Variants in LYRM4 observed in about 807,000 individuals in gnomAD.
LYRM4 encodes LYR motif-containing protein 4.
In LYRM4, 9 loss-of-function variants were observed where a neutral mutation model predicts 11.7. The observed-to-expected ratio is 0.77, with a 90% CI of 0.46 to 1.34. The LOEUF is 1.34. Ranked by LOEUF, LYRM4 falls within the 40% of genes most tolerant of loss-of-function variation. LYRM4 has a pLI of 0.00. For synonymous variants in LYRM4, 42 were observed against 40.4 expected, an observed-to-expected ratio of 1.04 and a Z score of -0.15; for missense variants, 133 against 112.5, an observed-to-expected ratio of 1.18 and a Z score of -0.82.
chr6:5,201,315 G>A (rs529183327), intron 2 of LYRM4, among the ~76,000 whole-genome samples: 5 of 152,168 alleles, frequency 3.3e-5, no homozygotes, highest in Admixed American at 1.3e-4. Flanking sequence ...GGCAGTGCAA[G>A]TGCACGGGCA....
At chr6:5,092,521 C>G in the LYRM4 span, among the ~76,000 whole-genome samples, 4 of 150,976 alleles carry the variant, frequency 2.6e-5, no homozygotes, top group African/African-American at 9.8e-5. Flanking sequence ...AACAGCTTGG[C>G]CAATATGGTG....
chr6:5,207,972 C>T (rs1047711917), intron 2 of LYRM4, among the ~76,000 whole-genome samples: 3 of 152,220 alleles, frequency 2.0e-5, no homozygotes, highest in African/African-American at 7.2e-5. Flanking sequence ...GATCCCTCTT[C>T]TGAGAGCTGG....
intron 2 of LYRM4, among the ~76,000 whole-genome samples, chr6:5,155,671 A>G (rs935717775): frequency 1.2e-4 from 19 of 152,324 alleles, no homozygotes; most frequent in African/African-American, 3.8e-4. Flanking sequence ...TGGTCCTGCC[A>G]TTATTCTGTT....
intron 2 of LYRM4, among the ~76,000 whole-genome samples, chr6:5,173,752 A>G (rs71555880): frequency 0.01 from 1,547 of 152,330 alleles, 32 homozygotes; most frequent in African/African-American, 0.034. Flanking sequence ...TCATGTTTAA[A>G]TATGTATGCA....
intron 1 of LYRM4, among the ~76,000 whole-genome samples, chr6:5,251,476 T>G (rs1468995329): frequency 6.6e-6 from 1 of 152,096 alleles, no homozygotes; most frequent in Non-Finnish European, 1.5e-5. Context: ...CTTACAATCA[T>G]GGCAGAAGGT....
intron 1 of LYRM4, among the ~76,000 whole-genome samples, chr6:5,221,484 G>C (rs1219416206): frequency 1.3e-5 from 2 of 151,976 alleles, no homozygotes; most frequent in Non-Finnish European, 2.9e-5. Flanking sequence ...CACGAGGTCA[G>C]GAGTTTGAGA....
chr6:5,066,678 C>T, the LYRM4 span: 2 of 1,028,074 alleles, frequency 1.9e-6, no homozygotes, highest in East Asian at 4.8e-5. Flanking sequence ...ACCTGGACTG[C>T]ACTGCAGCAA....
chr6:5,245,116 ATAT>A (rs1561898981), intron 1 of LYRM4, among the ~76,000 whole-genome samples: 44 of 14,678 alleles, frequency 3.0e-3, no homozygotes, highest in Non-Finnish European at 4.0e-3. Flanking sequence ...AAAAAAAAAT[ATAT>A]ATATATATAT....
At chr6:5,052,382 G>C in the LYRM4 span, among the ~76,000 whole-genome samples, 3 of 152,256 alleles carry the variant, frequency 2.0e-5, no homozygotes, top group Non-Finnish European at 4.4e-5. Flanking sequence ...GGTAGGAGCA[G>C]AGCTGCATAG....
At chr6:5,173,666 C>A (rs1051902004) in intron 2 of LYRM4, among the ~76,000 whole-genome samples, 4 of 152,168 alleles carry the variant, frequency 2.6e-5, no homozygotes, top group African/African-American at 9.7e-5. Context: ...CAACTTTTTT[C>A]ATTTACAAAT....
intron 2 of LYRM4, among the ~76,000 whole-genome samples, chr6:5,121,326 C>T (rs1321448600): frequency 1.3e-5 from 2 of 152,166 alleles, no homozygotes; most frequent in African/African-American, 4.8e-5. Flanking sequence ...TCTATATGTA[C>T]ACCTGTACTT....
At chr6:5,078,799 A>G in the LYRM4 span, among the ~76,000 whole-genome samples, 1 of 152,198 alleles carries the variant, frequency 6.6e-6, no homozygotes, top group Non-Finnish European at 1.5e-5. Context: ...ATTTTTCTTG[A>G]AAGTTTCCAC....
At chr6:5,118,094 A>ATATTTTTTTTT in intron 2 of LYRM4, among the ~76,000 whole-genome samples, 1 of 86,114 alleles carries the variant, frequency 1.2e-5, no homozygotes, top group African/African-American at 3.9e-5. Flanking sequence ...ATATATATAT[A>ATATTTTTTTTT]TTTTTGTTTT....
chr6:5,184,585 G>GA lies in LYRM4; in HGVS notation c.207+32032dup, dbSNP rs397971409. ...ATTAATTTAAGTCATCTGGTACTTA[G>GA]AAAATGGATCTTGTTCTTCAAAGAA... On this transcript the variant is annotated intron_variant, in intron 2 of 2. Transcript: ENST00000330636. Among the ~76,000 whole-genome samples, 167 of 152,314 alleles carry GA rather than the reference G, an allele frequency of 1.1e-3. 3 individuals carry two copies. Among genetic ancestry groups the GA allele is most frequent in the African/African-American group, 3.9e-3 (161 of 41,566 alleles).
the LYRM4 span, among the ~76,000 whole-genome samples, chr6:5,046,392 C>T: frequency 2.0e-5 from 3 of 152,092 alleles, no homozygotes; most frequent in East Asian, 1.9e-4. Context: ...GTGATCCACC[C>T]GCCTCGGCCT....
chr6:5,084,533 G>A, the LYRM4 span: 1 of 151,934 alleles, frequency 6.6e-6, no homozygotes, highest in Admixed American at 6.6e-5. Context: ...GGGCGCGTCG[G>A]GCGGGACAGG....
chr6:5,228,274 GA>G (rs578089294), intron 1 of LYRM4, among the ~76,000 whole-genome samples: 41 of 152,164 alleles, frequency 2.7e-4, no homozygotes, highest in African/African-American at 9.2e-4. Context: ...TACACAATAA[GA>G]AAGTCTTTCT....
intron 1 of LYRM4, among the ~76,000 whole-genome samples, chr6:5,221,972 T>A (rs2127730516): frequency 6.6e-6 from 1 of 152,268 alleles, no homozygotes; most frequent in East Asian, 1.9e-4. Context: ...ATCCTTGGGG[T>A]TATGGTGTGT....
At chr6:5,086,249 C>G in the LYRM4 span, 2 of 1,535,472 alleles carry the variant, frequency 1.3e-6, no homozygotes, top group African/African-American at 1.4e-5. Flanking sequence ...TACACCTTTA[C>G]CGAGTGGCGC....
Sources: gnomAD v4.1 joint callset for allele counts (sites outside exome capture counted in the v4.1 genomes callset) on GRCh38, gnomAD v4.1.1 for gene constraint, MANE v1.5 for transcripts, NCBI Gene and HGNC (gene_info 2026-07-23, HGNC 2026-07-21) for gene names.